Variants in ATXN1 observed in about 807,000 individuals in gnomAD.
ATXN1 encodes the protein ataxin 1.
Under a neutral mutation model 56.4 loss-of-function variants are expected in ATXN1, and 8 were observed. That is an observed-to-expected ratio of 0.14 (90% CI 0.08 to 0.26). The LOEUF (loss-of-function observed/expected upper bound fraction) is 0.26, where lower values mean the gene tolerates loss of function less well. Ranked by LOEUF, ATXN1 falls within the 10% of genes least tolerant of loss-of-function variation. The pLI, the probability that ATXN1 is intolerant of heterozygous loss-of-function variation, is 1.00. For missense variants in ATXN1, 987 were observed against 1,106.5 expected (o/e 0.89, Z 1.53); for synonymous variants, 514 against 494.6 (o/e 1.04, Z -0.52).
intron 6 of ATXN1, among the ~76,000 whole-genome samples, chr6:16,385,305 G>T (rs979100602): frequency 2.6e-5 from 4 of 152,222 alleles, no homozygotes; most frequent in African/African-American, 9.6e-5. Flanking sequence ...TGTCACTCTG[G>T]TCATAGAGTA....
chr6:16,409,458 G>A (rs958695790), intron 6 of ATXN1, among the ~76,000 whole-genome samples: 1 of 152,062 alleles, frequency 6.6e-6, no homozygotes, highest in African/African-American at 2.4e-5. Flanking sequence ...TTCAAGACCA[G>A]CCTGGCCAAC....
chr6:16,740,967 T>C (rs1308125531), intron 2 of ATXN1, among the ~76,000 whole-genome samples: 2 of 152,238 alleles, frequency 1.3e-5, no homozygotes, highest in Non-Finnish European at 2.9e-5. Context: ...CTAACTCAGT[T>C]AAGCAAAGAC....
chr6:16,647,371 T>C (rs949279037), intron 3 of ATXN1, among the ~76,000 whole-genome samples: 17 of 152,176 alleles, frequency 1.1e-4, no homozygotes, highest in Non-Finnish European at 1.9e-4. Context: ...TGCTCAACAT[T>C]ACACAGCCAT....
intron 3 of ATXN1, among the ~76,000 whole-genome samples, chr6:16,639,320 G>A (rs1045075460): frequency 7.9e-5 from 12 of 152,148 alleles, no homozygotes; most frequent in African/African-American, 2.2e-4. Context: ...GTGAAGGTCC[G>A]TGGCTCCATT....
At chr6:16,406,645 T>C (rs1179555741) in intron 6 of ATXN1, among the ~76,000 whole-genome samples, 2 of 152,246 alleles carry the variant, frequency 1.3e-5, no homozygotes, top group East Asian at 1.9e-4. Flanking sequence ...TCCCACAATT[T>C]AGCCTAAATA....
At chr6:16,577,691 T>C (rs927351593) in intron 4 of ATXN1, among the ~76,000 whole-genome samples, 3 of 152,208 alleles carry the variant, frequency 2.0e-5, no homozygotes, top group Non-Finnish European at 2.9e-5. Flanking sequence ...ATATGAATTT[T>C]TAAATTTTTA....
In ATXN1 at chr6:16,337,395, C is replaced by T. The variant is rs186709314; in HGVS notation, c.-160-8925G>A. Among the ~76,000 whole-genome samples the T allele has an allele frequency of 2.0e-3, 303 of 152,256 alleles. 1 individual carries two copies. Among genetic ancestry groups the T allele is most frequent in the Middle Eastern group, 3.4e-3 (1 of 294 alleles). On this transcript the variant is annotated intron_variant, in intron 6 of 7. Coordinates refer to ENST00000436367, the MANE Select transcript of ATXN1 (RefSeq NM_001128164.2). ...AGCCTGGATGAGGAAGGAGGAGGGG[C>T]GGGGCCACAGCTTGGCTGGGCCATC...
chr6:16,741,892 C>T (rs1013764283), intron 2 of ATXN1, among the ~76,000 whole-genome samples: 23 of 152,236 alleles, frequency 1.5e-4, no homozygotes, highest in African/African-American at 5.1e-4. Context: ...TAAAATAGTA[C>T]GGTTCATTTG....
intron 3 of ATXN1, among the ~76,000 whole-genome samples, chr6:16,600,287 A>T (rs1445128697): frequency 6.6e-6 from 1 of 152,226 alleles, no homozygotes; most frequent in Non-Finnish European, 1.5e-5. Flanking sequence ...GTGCTTCTCA[A>T]AGCCAAAGGA....
intron 6 of ATXN1, among the ~76,000 whole-genome samples, chr6:16,475,674 T>C (rs1760312206): frequency 6.6e-6 from 1 of 152,124 alleles, no homozygotes; most frequent in African/African-American, 2.4e-5. Context: ...ACTAATACTT[T>C]AAATCTGATG....
At chr6:16,718,307 A>G (rs971403767) in intron 2 of ATXN1, among the ~76,000 whole-genome samples, 31 of 152,366 alleles carry the variant, frequency 2.0e-4, no homozygotes, top group African/African-American at 6.7e-4. Flanking sequence ...CATTCCAGAA[A>G]GAAGGTCAGT....
intron 6 of ATXN1, among the ~76,000 whole-genome samples, chr6:16,467,051 G>T (rs1360128864): frequency 6.6e-6 from 1 of 152,098 alleles, no homozygotes; most frequent in East Asian, 1.9e-4. Flanking sequence ...ATGCACAAGG[G>T]AAAACAAAGG....
At chr6:16,446,912 T>C (rs1430905369) in intron 6 of ATXN1, among the ~76,000 whole-genome samples, 3 of 152,232 alleles carry the variant, frequency 2.0e-5, no homozygotes, top group Non-Finnish European at 4.4e-5. Context: ...ATGGAAGACA[T>C]GCTTGGTGAC....
intron 2 of ATXN1, among the ~76,000 whole-genome samples, chr6:16,695,991 G>A (rs1285970938): frequency 1.3e-5 from 2 of 151,334 alleles, no homozygotes; most frequent in African/African-American, 4.9e-5. Flanking sequence ...ATAAATAAAT[G>A]AATAAATAAA....
At chr6:16,322,472 C>A (rs1760677761) in intron 7 of ATXN1, among the ~76,000 whole-genome samples, 1 of 152,186 alleles carries the variant, frequency 6.6e-6, no homozygotes, top group Non-Finnish European at 1.5e-5. Flanking sequence ...TGCCTAGAGT[C>A]ACAATGCCAT....
chr6:16,367,338 TC>T (rs1330489130), intron 6 of ATXN1, among the ~76,000 whole-genome samples: 2,760 of 59,112 alleles, frequency 0.047, 95 homozygotes, highest in African/African-American at 0.094. Context: ...TCTGTTTCTC[TC>T]TCTCTCTCTC....
At chr6:16,628,173 A>G (rs536435091) in intron 3 of ATXN1, among the ~76,000 whole-genome samples, 65 of 152,346 alleles carry the variant, frequency 4.3e-4, no homozygotes, top group African/African-American at 1.3e-3. Flanking sequence ...GAATTTGCCT[A>G]TTAATGCAGG....
At chr6:16,638,547 G>T (rs1038764580) in intron 3 of ATXN1, among the ~76,000 whole-genome samples, 2 of 151,696 alleles carry the variant, frequency 1.3e-5, no homozygotes, top group African/African-American at 2.4e-5. Context: ...TGACGCTGAA[G>T]TGTCACTAGC....
At chr6:16,396,253 A>C (rs1213043575) in intron 6 of ATXN1, among the ~76,000 whole-genome samples, 2 of 150,568 alleles carry the variant, frequency 1.3e-5, no homozygotes, top group African/African-American at 5.0e-5. Context: ...TTTTTAACAG[A>C]AAACTTAAAA....
Sources: gnomAD v4.1 joint callset for allele counts (sites outside exome capture counted in the v4.1 genomes callset) on GRCh38, gnomAD v4.1.1 for gene constraint, MANE v1.5 for transcripts, NCBI Gene and HGNC (gene_info 2026-07-23, HGNC 2026-07-21) for gene names.